GRID2: variants seen among roughly 807,000 people sequenced by gnomAD.
GRID2 encodes glutamate ionotropic receptor delta type subunit 2, also known as glutamate receptor ionotropic, delta-2.
Under a neutral mutation model 114.8 loss-of-function variants are expected in GRID2, and 33 were observed. That is an observed-to-expected ratio of 0.29 (90% confidence interval 0.22 to 0.38). GRID2 has a LOEUF of 0.38. Ranked by LOEUF, GRID2 falls within the 10% of genes least tolerant of loss-of-function variation. The probability of loss-of-function intolerance (pLI) is 1.00; values close to 1 mark genes in which losing one functional copy is unlikely to be tolerated. For missense variants in GRID2, 1,184 were observed against 1,257.7 expected (o/e 0.94, Z 0.89); for synonymous variants, 505 against 449.9 (o/e 1.12, Z -1.55).
chr4:92,989,388 A>G (rs1754727628), intron 2 of GRID2, among the ~76,000 whole-genome samples: 1 of 151,404 alleles, frequency 6.6e-6, no homozygotes, highest in South Asian at 2.1e-4. Context: ...ATGTATGTAT[A>G]TGTAAACATG....
At chr4:93,540,160 A>AT (rs1351917698) in intron 13 of GRID2, among the ~76,000 whole-genome samples, 1 of 151,742 alleles carries the variant, frequency 6.6e-6, no homozygotes, top group African/African-American at 2.4e-5. Flanking sequence ...GTCTACTAGC[A>AT]TTTTTTAACT....
chr4:93,103,799 A>T (rs1275280794), intron 3 of GRID2, among the ~76,000 whole-genome samples: 2 of 152,034 alleles, frequency 1.3e-5, no homozygotes, highest in Non-Finnish European at 2.9e-5. Flanking sequence ...ACTGGTTCCC[A>T]AATAGTCTCT....
intron 1 of GRID2, among the ~76,000 whole-genome samples, chr4:93,795,355 T>C (rs989935814): frequency 4.6e-5 from 7 of 151,972 alleles, no homozygotes; most frequent in South Asian, 2.1e-4. Flanking sequence ...ATTATATATA[T>C]GTTATATATT....
chr4:92,549,911 C>A (rs1041212190), intron 1 of GRID2, among the ~76,000 whole-genome samples: 4 of 151,996 alleles, frequency 2.6e-5, no homozygotes, highest in African/African-American at 9.7e-5. Flanking sequence ...TATGCTATTC[C>A]ATAGCTCTTT....
At chr4:93,366,627 T>C (rs1762364263) in intron 8 of GRID2, among the ~76,000 whole-genome samples, 1 of 152,038 alleles carries the variant, frequency 6.6e-6, no homozygotes, top group Non-Finnish European at 1.5e-5. Context: ...GACCCACACC[T>C]ATTCACACAC....
At chr4:92,958,103 G>T (rs888287259) in intron 2 of GRID2, among the ~76,000 whole-genome samples, 3 of 151,936 alleles carry the variant, frequency 2.0e-5, no homozygotes, top group African/African-American at 7.2e-5. Flanking sequence ...TGTGTACAAA[G>T]ACACTTTTAA....
intron 2 of GRID2, among the ~76,000 whole-genome samples, chr4:92,867,725 C>T (rs554954595): frequency 1.3e-5 from 2 of 151,992 alleles, no homozygotes; most frequent in East Asian, 1.9e-4. Context: ...GGGTATCTGT[C>T]GTACTAGATT....
intron 1 of GRID2, among the ~76,000 whole-genome samples, chr4:92,546,798 CAGT>C (rs1167852060): frequency 1.3e-5 from 2 of 152,088 alleles, no homozygotes; most frequent in African/African-American, 4.8e-5. Flanking sequence ...AAAAAATAAT[CAGT>C]AGTAATTATT....
chr4:92,496,650 A>G (rs914623664), intron 1 of GRID2, among the ~76,000 whole-genome samples: 3 of 151,562 alleles, frequency 2.0e-5, no homozygotes, highest in African/African-American at 4.8e-5. Flanking sequence ...GTTTTTTTTT[A>G]GAATTCTTAT....
At chr4:92,375,936 T>A (rs556396161) in intron 1 of GRID2, among the ~76,000 whole-genome samples, 51 of 147,364 alleles carry the variant, frequency 3.5e-4, no homozygotes, top group African/African-American at 1.3e-3. Context: ...CTTACTGATA[T>A]TTTTTTGAAA....
chr4:93,040,299 GA>G (rs1725386076), intron 2 of GRID2, among the ~76,000 whole-genome samples: 1 of 148,798 alleles, frequency 6.7e-6, no homozygotes, highest in Admixed American at 6.7e-5. Context: ...AAAAAAAAAA[GA>G]AAGAAAACAT....
At chr4:92,669,322 A>C (rs182570694) in intron 2 of GRID2, among the ~76,000 whole-genome samples, 31 of 152,040 alleles carry the variant, frequency 2.0e-4, no homozygotes, top group Admixed American at 6.6e-4. Flanking sequence ...TGTAACTACT[A>C]ACAACCCTAA....
chr4:93,386,040 T>G (rs1347268878), intron 8 of GRID2, among the ~76,000 whole-genome samples: 2 of 152,132 alleles, frequency 1.3e-5, no homozygotes, highest in Non-Finnish European at 1.5e-5. Flanking sequence ...CAGAAGGGTT[T>G]ATTATTAAAA....
chr4:92,991,207 G>C (rs2149203878), intron 2 of GRID2, among the ~76,000 whole-genome samples: 1 of 152,226 alleles, frequency 6.6e-6, no homozygotes, highest in African/African-American at 2.4e-5. Flanking sequence ...TTAAAGCTCA[G>C]AATCTTGCAG....
At chr4:93,661,645 G>A (rs1036482409) in intron 14 of GRID2, among the ~76,000 whole-genome samples, 2 of 152,104 alleles carry the variant, frequency 1.3e-5, no homozygotes, top group Non-Finnish European at 2.9e-5. Context: ...TGTAGTGACC[G>A]AAGCCTCACA....
chr4:92,748,825 C>T (rs963049851), intron 2 of GRID2, among the ~76,000 whole-genome samples: 1 of 150,700 alleles, frequency 6.6e-6, no homozygotes, highest in African/African-American at 2.4e-5. Flanking sequence ...CCAAGCCCTG[C>T]TAATTTTTTT....
intron 14 of GRID2, among the ~76,000 whole-genome samples, chr4:93,704,286 A>C (rs913606891): frequency 3.9e-5 from 6 of 152,086 alleles, no homozygotes; most frequent in African/African-American, 1.4e-4. Flanking sequence ...TGGCTGCATA[A>C]ATGTCTTCTT....
chr4:92,948,748 T>C (rs188727733), intron 2 of GRID2, among the ~76,000 whole-genome samples: 1 of 152,058 alleles, frequency 6.6e-6, no homozygotes, highest in East Asian at 1.9e-4. Context: ...ACCAGAATCG[T>C]TTCTTTTGCA....
chr4:93,515,482 TTTG>T (rs1729625874), intron 13 of GRID2, 71 bp downstream of exon 13: 1 of 1,001,424 alleles, frequency 1.0e-6, no homozygotes, highest in Non-Finnish European at 1.5e-6. Context: ...GCAGTTGAGA[TTTG>T]TTTTTTTTGT....
Sources: gnomAD v4.1 joint callset for allele counts (sites outside exome capture counted in the v4.1 genomes callset) on GRCh38, gnomAD v4.1.1 for gene constraint, MANE v1.5 for transcripts, NCBI Gene and HGNC (gene_info 2026-07-23, HGNC 2026-07-21) for gene names.